The following NETO1 variants were observed in gnomAD, a reference collection of about 807,000 sequenced individuals.
The protein encoded by NETO1 is neuropilin and tolloid-like protein 1.
In NETO1, 26 loss-of-function variants were observed where a neutral mutation model predicts 61.3. The ratio of observed to expected loss-of-function variants is 0.42; its 90% CI spans 0.31 to 0.59. The LOEUF (loss-of-function observed/expected upper bound fraction) is 0.59, where lower values mean the gene tolerates loss of function less well. Ranked by LOEUF, NETO1 falls within the 20% of genes least tolerant of loss-of-function variation. The probability of loss-of-function intolerance (pLI) is 0.12; values close to 1 mark genes in which losing one functional copy is unlikely to be tolerated. For missense variants in NETO1, 531 were observed against 662.8 expected (o/e 0.80, Z 2.18); for synonymous variants, 225 against 225.8 (o/e 1.00, Z 0.03).
chr18:72,820,407 C>T (rs2073155454), intron 4 of NETO1, among the ~76,000 whole-genome samples: 1 of 152,188 alleles, frequency 6.6e-6, no homozygotes, highest in African/African-American at 2.4e-5. Context: ...AGTGCGCATT[C>T]TCCTTTGTTA....
Position 72,803,843 on chromosome 18 carries a change from C to G in NETO1, c.470-9439G>C, listed in dbSNP as rs371692734. ...TACCAAAAAAAAAAAAAAAGATACT[C>G]TTTCCTGCTGTTCCAACTACATATA... On this transcript the variant is annotated intron_variant, in intron 4 of 10. Transcript: ENST00000327305. Among the ~76,000 whole-genome samples, 4 of 151,598 alleles carry G rather than the reference C, an allele frequency of 2.6e-5. No homozygotes were observed. In the South Asian group the frequency reaches 8.4e-4, roughly 32 times the overall value.
chr18:72,755,790 G>A (rs1016929837), intron 8 of NETO1, among the ~76,000 whole-genome samples: 3 of 152,018 alleles, frequency 2.0e-5, no homozygotes, highest in African/African-American at 7.2e-5. Context: ...GCTCTAATAA[G>A]GTGATGTCTT....
intron 4 of NETO1, among the ~76,000 whole-genome samples, chr18:72,815,560 C>A (rs1188806863): frequency 6.6e-6 from 1 of 152,152 alleles, no homozygotes; most frequent in Non-Finnish European, 1.5e-5. Flanking sequence ...GTCATTTAAT[C>A]TTATTAATAA....
intron 4 of NETO1, among the ~76,000 whole-genome samples, chr18:72,849,097 T>C (rs929918051): frequency 1.3e-5 from 2 of 152,372 alleles, no homozygotes; most frequent in Admixed American, 1.3e-4. Context: ...TTGATCTTTC[T>C]AGGGGATCAG....
At chr18:72,769,879 AT>A (rs2071296021) in intron 7 of NETO1, among the ~76,000 whole-genome samples, 1 of 152,140 alleles carries the variant, frequency 6.6e-6, no homozygotes. Context: ...GCATTTTTCC[AT>A]GCTTATAAAT....
intron 7 of NETO1, among the ~76,000 whole-genome samples, chr18:72,772,815 CTCTCTCTCTCTATATATATATA>C (rs1304939996): frequency 2.6e-4 from 14 of 53,822 alleles, no homozygotes; most frequent in South Asian, 1.0e-3. Context: ...CTCTCTCTCT[CTCTCTCTCTCTATATATATATA>C]TATATATATA....
rs1048459233 is a variant in NETO1 at position 72,865,328 on chromosome 18, T to C, written c.29-87A>G. ...ATAACATAATTTCAAGATAAAATAATATCAAAGCAGATTAATTTTTTCATT... is the reference window on the plus strand; with the variant it reads ...ATAACATAATTTCAAGATAAAATAACATCAAAGCAGATTAATTTTTTCATT... On this transcript the variant is annotated intron_variant, in intron 1 of 10. Coordinates refer to ENST00000327305, the MANE Select transcript of NETO1 (RefSeq NM_138966.5). 6.4e-6 allele frequency: 8 copies of C among 1,257,418 alleles called. No individual in the cohort carries two copies. In the Admixed American group the frequency reaches 1.6e-4, roughly 25 times the overall value. 77.9% of individuals were successfully genotyped at this position (1,257,418 alleles called of 1,614,324 possible).
intron 4 of NETO1, among the ~76,000 whole-genome samples, chr18:72,817,442 G>A (rs1237857838): frequency 3.3e-5 from 5 of 152,200 alleles, no homozygotes; most frequent in African/African-American, 7.2e-5. Context: ...GAACCAACTA[G>A]TCAACCAACA....
intron 10 of NETO1, 64 bp downstream of exon 10, chr18:72,748,950 C>T (rs760631927): frequency 1.0e-6 from 1 of 998,070 alleles, no homozygotes; most frequent in African/African-American, 1.6e-5. Flanking sequence ...TAAAAAACTA[C>T]AAGACAGTTG....
chr18:72,759,600 C>T (rs2070902803), intron 7 of NETO1, among the ~76,000 whole-genome samples: 1 of 152,122 alleles, frequency 6.6e-6, no homozygotes, highest in Non-Finnish European at 1.5e-5. Context: ...TGGTTGAGAA[C>T]TAACCTTCAA....
At chr18:72,841,386 G>A (rs1399147298) in intron 4 of NETO1, among the ~76,000 whole-genome samples, 3 of 144,010 alleles carry the variant, frequency 2.1e-5, no homozygotes, top group African/African-American at 7.8e-5. Context: ...TTTAATCCTT[G>A]AGAAATTGGA....
chr18:72,787,036 ATTTCT>A (rs1225454859), intron 6 of NETO1, among the ~76,000 whole-genome samples: 1 of 149,468 alleles, frequency 6.7e-6, no homozygotes, highest in African/African-American at 2.5e-5. Context: ...CTGGATTTAA[ATTTCT>A]TTTCATCAGG....
At chr18:72,827,732 A>AAT (rs1264721812) in intron 4 of NETO1, among the ~76,000 whole-genome samples, 2 of 145,226 alleles carry the variant, frequency 1.4e-5, no homozygotes, top group Non-Finnish European at 3.0e-5. Context: ...AAAAAAAAAA[A>AAT]AAAAAGAAAG....
intron 7 of NETO1, among the ~76,000 whole-genome samples, chr18:72,764,985 A>G (rs1225826573): frequency 6.6e-6 from 1 of 152,106 alleles, no homozygotes; most frequent in Non-Finnish European, 1.5e-5. Flanking sequence ...CAGCAATCTT[A>G]CATGGAGTTC....
At chr18:72,774,999 T>C (rs573887222) in intron 7 of NETO1, among the ~76,000 whole-genome samples, 40 of 152,314 alleles carry the variant, frequency 2.6e-4, no homozygotes, top group African/African-American at 9.4e-4. Context: ...ATGAAGTCTG[T>C]ATATTATTTT....
At chr18:72,785,059 T>C (rs1187850981) in intron 6 of NETO1, among the ~76,000 whole-genome samples, 2 of 152,190 alleles carry the variant, frequency 1.3e-5, no homozygotes, top group Admixed American at 6.5e-5. Context: ...CATACAGATA[T>C]CTCCTGAATA....
chr18:72,777,670 G>GA (rs2071602401), intron 7 of NETO1, among the ~76,000 whole-genome samples: 2 of 151,610 alleles, frequency 1.3e-5, no homozygotes, highest in Admixed American at 1.3e-4. Context: ...GTGAACCCGG[G>GA]AGGCGGAGCT....
intron 7 of NETO1, among the ~76,000 whole-genome samples, chr18:72,778,005 G>A (rs967461058): frequency 1.3e-5 from 2 of 152,154 alleles, no homozygotes; most frequent in African/African-American, 2.4e-5. Flanking sequence ...TTGAAACATA[G>A]GTGAAGGCAG....
At chr18:72,824,959 C>G (rs1471653127) in intron 4 of NETO1, among the ~76,000 whole-genome samples, 1 of 151,942 alleles carries the variant, frequency 6.6e-6, no homozygotes, top group East Asian at 1.9e-4. Flanking sequence ...TTTAGAGTAA[C>G]AGAACAAGAA....
Sources: allele counts gnomAD v4.1 joint callset (sites outside exome capture counted in the v4.1 genomes callset), GRCh38; gene constraint gnomAD v4.1.1; transcripts MANE v1.5; gene names NCBI Gene and HGNC (gene_info 2026-07-23, HGNC 2026-07-21).